Variants in QTMAN observed in about 807,000 individuals in gnomAD.
QTMAN encodes the protein queuosine-tRNA mannosyltransferase, also known as tRNA-queuosine alpha-mannosyltransferase.
the QTMAN span, among the ~76,000 whole-genome samples, chr2:144,085,798 T>C: frequency 1.3e-5 from 2 of 152,134 alleles, no homozygotes; most frequent in African/African-American, 4.8e-5. Context: ...AGTTTTTAAC[T>C]CAAGACAGCT....
At chr2:144,195,284 C>T in the QTMAN span, among the ~76,000 whole-genome samples, 1 of 152,066 alleles carries the variant, frequency 6.6e-6, no homozygotes, top group Non-Finnish European at 1.5e-5. Context: ...AAAGAAACTC[C>T]TGTTCATCAA....
chr2:144,106,943 T>A, the QTMAN span, among the ~76,000 whole-genome samples: 1 of 152,286 alleles, frequency 6.6e-6, no homozygotes, highest in Non-Finnish European at 1.5e-5. Context: ...GAAATCAGGA[T>A]TAAGAAACTC....
the QTMAN span, among the ~76,000 whole-genome samples, chr2:144,105,856 A>T: frequency 6.6e-6 from 1 of 152,176 alleles, no homozygotes; most frequent in African/African-American, 2.4e-5. Flanking sequence ...GCCAGAGAGA[A>T]AGGTCAGGTT....
chr2:144,306,533 G>C, the QTMAN span, among the ~76,000 whole-genome samples: 1 of 151,946 alleles, frequency 6.6e-6, no homozygotes, highest in African/African-American at 2.4e-5. Flanking sequence ...CTTCTAAGAG[G>C]GCCCCACCCT....
chr2:144,312,319 C>CT, the QTMAN span, among the ~76,000 whole-genome samples: 1 of 151,884 alleles, frequency 6.6e-6, no homozygotes, highest in Non-Finnish European at 1.5e-5. Flanking sequence ...GCATGAGCCA[C>CT]TACACCCAGC....
the QTMAN span, among the ~76,000 whole-genome samples, chr2:144,113,738 AAC>A: frequency 2.0e-5 from 3 of 152,244 alleles, no homozygotes; most frequent in Non-Finnish European, 4.4e-5. Context: ...CAGAGAGGAA[AAC>A]AGTTTGAACA....
At chr2:143,957,749 G>A in the QTMAN span, among the ~76,000 whole-genome samples, 1 of 152,156 alleles carries the variant, frequency 6.6e-6, no homozygotes, top group African/African-American at 2.4e-5. Context: ...GATTCCTAAT[G>A]ACGGACTGCA....
chr2:144,208,694 C>T, the QTMAN span: 32 of 1,613,608 alleles, frequency 2.0e-5, no homozygotes, highest in South Asian at 1.5e-4. Flanking sequence ...AGGGTATAAA[C>T]GACACAGTCT....
chr2:144,065,418 T>C, the QTMAN span, among the ~76,000 whole-genome samples: 1 of 152,232 alleles, frequency 6.6e-6, no homozygotes, highest in East Asian at 1.9e-4. Context: ...CCTTGTCCTC[T>C]GGTTCTGGTT....
the QTMAN span, among the ~76,000 whole-genome samples, chr2:143,975,615 G>A: frequency 6.6e-6 from 1 of 152,194 alleles, no homozygotes; most frequent in African/African-American, 2.4e-5. Context: ...GTAGTATAAG[G>A]ACATTGGACT....
chr2:144,066,390 C>T, the QTMAN span, among the ~76,000 whole-genome samples: 1 of 152,174 alleles, frequency 6.6e-6, no homozygotes, highest in East Asian at 1.9e-4. Context: ...TAAATCTCTC[C>T]TCCACAAACC....
At chr2:144,013,756 A>C in the QTMAN span, among the ~76,000 whole-genome samples, 7 of 152,224 alleles carry the variant, frequency 4.6e-5, no homozygotes, top group Admixed American at 4.6e-4. Flanking sequence ...GAGGCAGTTC[A>C]GCGATCTAAG....
At chr2:144,258,328 CAAAAG>C in the QTMAN span, among the ~76,000 whole-genome samples, 2 of 150,896 alleles carry the variant, frequency 1.3e-5, no homozygotes, top group Non-Finnish European at 3.0e-5. Flanking sequence ...GAAATACTAA[CAAAAG>C]AAACCATTCC....
the QTMAN span, chr2:144,127,876 T>G: frequency 6.6e-6 from 1 of 151,996 alleles, no homozygotes; most frequent in Non-Finnish European, 1.5e-5. Flanking sequence ...TGTACCACAT[T>G]ATAACACATG....
At chr2:144,284,050 C>G in the QTMAN span, among the ~76,000 whole-genome samples, 1 of 151,658 alleles carries the variant, frequency 6.6e-6, no homozygotes, top group African/African-American at 2.4e-5. Flanking sequence ...TCTAAGATAG[C>G]ATAAATGCAA....
At chr2:143,973,713 C>A in the QTMAN span, among the ~76,000 whole-genome samples, 1 of 150,794 alleles carries the variant, frequency 6.6e-6, no homozygotes. Flanking sequence ...GGCATGAACC[C>A]GGGAGGCGGA....
the QTMAN span, among the ~76,000 whole-genome samples, chr2:144,246,611 A>G: frequency 2.0e-5 from 3 of 151,704 alleles, no homozygotes; most frequent in African/African-American, 7.3e-5. Context: ...AAGAAAAGAA[A>G]AGAAAACAAA....
At chr2:143,938,325 C>T in the QTMAN span, 3 of 152,200 alleles carry the variant, frequency 2.0e-5, no homozygotes, top group African/African-American at 7.2e-5. Context: ...TAAACTCCAC[C>T]GTGTCCCGAA....
the QTMAN span, among the ~76,000 whole-genome samples, chr2:144,065,712 T>G: frequency 3.7e-4 from 56 of 152,180 alleles, no homozygotes; most frequent in African/African-American, 1.3e-3. Flanking sequence ...TAAGTTTAAG[T>G]GTGCTGTATG....
Sources: gnomAD v4.1 joint callset for allele counts (sites outside exome capture counted in the v4.1 genomes callset) on GRCh38, gnomAD v4.1.1 for gene constraint, MANE v1.5 for transcripts, NCBI Gene and HGNC (gene_info 2026-07-23, HGNC 2026-07-21) for gene names.